FGF12: variants seen among roughly 807,000 people sequenced by gnomAD.
The protein encoded by FGF12 is fibroblast growth factor 12.
A neutral mutation model predicts 23.6 loss-of-function variants in FGF12; 14 were observed. The observed-to-expected ratio is 0.59, with a 90% CI of 0.39 to 0.93. The LOEUF is 0.93. FGF12 is among the 40% of genes least tolerant of loss of function. The pLI is 0.00. For missense variants in FGF12, 175 were observed against 217.8 expected, an observed-to-expected ratio of 0.80 and a Z score of 1.24; for synonymous variants, 62 against 77.3, an observed-to-expected ratio of 0.80 and a Z score of 1.04.
At chr3:192,209,842 G>A (rs949042950) in intron 4 of FGF12, among the ~76,000 whole-genome samples, 8 of 152,170 alleles carry the variant, frequency 5.3e-5, no homozygotes, top group African/African-American at 9.7e-5. Flanking sequence ...GAAACCAAAC[G>A]TTCTTGACTT....
intron 2 of FGF12, among the ~76,000 whole-genome samples, chr3:192,667,625 A>T (rs1402332338): frequency 1.3e-5 from 2 of 151,212 alleles, no homozygotes; most frequent in African/African-American, 2.4e-5. Flanking sequence ...AAAAAAAAAA[A>T]AAAAAAAAGT....
intron 4 of FGF12, among the ~76,000 whole-genome samples, chr3:192,248,932 A>G (rs936121241): frequency 5.3e-5 from 8 of 152,184 alleles, no homozygotes; most frequent in African/African-American, 1.9e-4. Context: ...CATTACAATC[A>G]GTGATTATTG....
At chr3:192,229,234 C>T (rs547897915) in intron 4 of FGF12, among the ~76,000 whole-genome samples, 163 of 151,516 alleles carry the variant, frequency 1.1e-3, no homozygotes, top group African/African-American at 3.6e-3. Context: ...AATTAAGATG[C>T]GAACCCAAGA....
Position 192,301,232 on chromosome 3 carries a change from G to T in FGF12, c.228+34129C>A, listed in dbSNP as rs554327141. Among the ~76,000 whole-genome samples the T allele has an allele frequency of 6.6e-5, 10 of 152,230 alleles. No homozygotes were observed. In the South Asian group the frequency reaches 2.1e-3, roughly 32 times the overall value. ...GGGTTAAGACTAGGTGAAGATAAAC[G>T]AATCACCGGGCATGGAGAAATCATT... On this transcript the variant is annotated intron_variant, in intron 4 of 5. Coordinates refer to ENST00000445105, the MANE Select transcript of FGF12 (RefSeq NM_004113.6).
At chr3:192,567,894 G>A (rs938518589) in intron 2 of FGF12, among the ~76,000 whole-genome samples, 4 of 149,694 alleles carry the variant, frequency 2.7e-5, no homozygotes, top group East Asian at 2.0e-4. Flanking sequence ...GTGCAGTGGC[G>A]CGATCTTGGC....
At chr3:192,396,893 T>C (rs924058369) in intron 2 of FGF12, among the ~76,000 whole-genome samples, 2 of 152,144 alleles carry the variant, frequency 1.3e-5, no homozygotes, top group African/African-American at 4.8e-5. Flanking sequence ...AGGCCAGCAG[T>C]TTCAGTGAAA....
chr3:192,559,561 A>G (rs980209153), intron 2 of FGF12, among the ~76,000 whole-genome samples: 11 of 152,020 alleles, frequency 7.2e-5, no homozygotes, highest in African/African-American at 2.7e-4. Context: ...AATGTAGAAC[A>G]CTGATTAATA....
At chr3:192,376,321 T>C (rs1719497254) in intron 2 of FGF12, among the ~76,000 whole-genome samples, 3 of 149,562 alleles carry the variant, frequency 2.0e-5, no homozygotes, top group Admixed American at 2.0e-4. Context: ...TTGTCATTGC[T>C]ATATAATTAT....
chr3:192,582,916 T>C (rs1288789977), intron 2 of FGF12, among the ~76,000 whole-genome samples: 1 of 152,102 alleles, frequency 6.6e-6, no homozygotes, highest in Non-Finnish European at 1.5e-5. Flanking sequence ...ATGCACACTG[T>C]GCACTTTTCA....
At chr3:192,643,867 C>G (rs1715895354) in intron 2 of FGF12, among the ~76,000 whole-genome samples, 1 of 152,180 alleles carries the variant, frequency 6.6e-6, no homozygotes, top group Admixed American at 6.5e-5. Context: ...TGGTAAATCA[C>G]CTCAGTGAGT....
At chr3:192,330,774 A>G (rs1270555080) in intron 4 of FGF12, among the ~76,000 whole-genome samples, 2 of 152,038 alleles carry the variant, frequency 1.3e-5, no homozygotes, top group African/African-American at 4.8e-5. Flanking sequence ...ATAGGAAAAA[A>G]CCTTCATGAC....
intron 4 of FGF12, among the ~76,000 whole-genome samples, chr3:192,288,578 C>A (rs1714587751): frequency 6.6e-6 from 1 of 152,014 alleles, no homozygotes; most frequent in African/African-American, 2.4e-5. Context: ...CACTTAACAG[C>A]CTGAAAGTTC....
At chr3:192,321,708 A>G (rs1716547911) in intron 4 of FGF12, among the ~76,000 whole-genome samples, 1 of 152,132 alleles carries the variant, frequency 6.6e-6, no homozygotes, top group Admixed American at 6.6e-5. Context: ...CAGAATGAAG[A>G]ACAGAAATCA....
intron 2 of FGF12, among the ~76,000 whole-genome samples, chr3:192,362,276 T>A (rs1718766487): frequency 6.6e-6 from 1 of 152,200 alleles, no homozygotes. Context: ...CTAGGGTACA[T>A]GAGCACAACG....
At chr3:192,419,072 T>C (rs1341190658) in intron 2 of FGF12, among the ~76,000 whole-genome samples, 1 of 152,206 alleles carries the variant, frequency 6.6e-6, no homozygotes, top group African/African-American at 2.4e-5. Flanking sequence ...TCATAGAAAG[T>C]TGATTAATTG....
chr3:192,418,560 T>A (rs1391153979), intron 2 of FGF12, among the ~76,000 whole-genome samples: 1 of 152,144 alleles, frequency 6.6e-6, no homozygotes, highest in Non-Finnish European at 1.5e-5. Context: ...CTGGTTTGAA[T>A]CTGTGTCCGT....
At chr3:192,536,829 A>C (rs1051171951) in intron 2 of FGF12, among the ~76,000 whole-genome samples, 9 of 152,064 alleles carry the variant, frequency 5.9e-5, no homozygotes, top group Non-Finnish European at 1.3e-4. Flanking sequence ...AGTTTTAGTT[A>C]ATTTTAAATA....
intron 4 of FGF12, among the ~76,000 whole-genome samples, chr3:192,245,715 A>C (rs866405621): frequency 1.3e-5 from 2 of 152,208 alleles, no homozygotes; most frequent in South Asian, 4.1e-4. Flanking sequence ...AATTTGGTCC[A>C]TGTTAGAATA....
chr3:192,499,553 A>G (rs1165294105), intron 2 of FGF12, among the ~76,000 whole-genome samples: 8 of 62,982 alleles, frequency 1.3e-4, no homozygotes. Flanking sequence ...TTTTTTTGAG[A>G]CAGAGTCTTG....
Sources: allele counts gnomAD v4.1 joint callset (sites outside exome capture counted in the v4.1 genomes callset), GRCh38; gene constraint gnomAD v4.1.1; transcripts MANE v1.5; gene names NCBI Gene and HGNC (gene_info 2026-07-23, HGNC 2026-07-21).